DNAJC17: variants seen among roughly 807,000 people sequenced by gnomAD.
DNAJC17 encodes dnaJ homolog subfamily C member 17.
DNAJC17 carries 35 observed loss-of-function variants against 48.1 expected under a neutral mutation model. The observed-to-expected ratio is 0.73, with a 90% confidence interval of 0.56 to 0.96. The LOEUF is 0.96. Among genes scored for constraint, DNAJC17 ranks in the 50% least tolerant of loss-of-function variants. The pLI is 0.00. For synonymous variants in DNAJC17, 117 were observed against 142.7 expected, an observed-to-expected ratio of 0.82 and a Z score of 1.28; for missense variants, 355 against 377.1, an observed-to-expected ratio of 0.94 and a Z score of 0.48.
chr15:40,771,400 C>G (rs1889137348), intron 10 of DNAJC17: 1 of 281,642 alleles, frequency 3.6e-6, no homozygotes, highest in Admixed American at 5.0e-5. Flanking sequence ...GGGGTCAGAT[C>G]AGGGAGTGGG....
At chr15:40,774,135 T>A (rs1889247412) in intron 9 of DNAJC17, 1 of 612,958 alleles carries the variant, frequency 1.6e-6, no homozygotes, top group Non-Finnish European at 2.9e-6. Flanking sequence ...CAGAGTCAAG[T>A]CTGTGCTCTC....
At chr15:40,786,794 T>C (rs555269475) in intron 1 of DNAJC17, among the ~76,000 whole-genome samples, 240 of 152,316 alleles carry the variant, frequency 1.6e-3, no homozygotes, top group South Asian at 5.6e-3. Flanking sequence ...CTCAGATAAA[T>C]GTAAGCTCCG....
Position 40,779,956 on chromosome 15 carries a change from T to A in DNAJC17, c.120A>T (p.Pro40=), listed in dbSNP as rs1360556449. The A allele has an allele frequency of 4.3e-6, 7 of 1,614,082 alleles. No individual in the cohort carries two copies. In the Admixed American group the frequency reaches 5.0e-5, roughly 12 times the overall value. The change falls in exon 2 of 11, where the codon CCA becomes CCT. Residue 40 remains proline, a synonymous_variant. Coordinates refer to ENST00000220496, the MANE Select transcript of DNAJC17 (RefSeq NM_018163.3). ...AYRQKALSCH[P]DKNPDNPRAA... ...CTCTGGGATTATCTGGATTTTTGTC[T>A]GGGTGGCAGGAGAGGGCCTTCTGCC...
chr15:40,791,214 A>G (rs1889792341), intron 1 of DNAJC17, among the ~76,000 whole-genome samples: 1 of 152,054 alleles, frequency 6.6e-6, no homozygotes, highest in African/African-American at 2.4e-5. Flanking sequence ...ATAATGTGGT[A>G]ATATATTGAG....
chr15:40,798,119 A>G (rs1889984748), intron 1 of DNAJC17, among the ~76,000 whole-genome samples: 1 of 152,226 alleles, frequency 6.6e-6, no homozygotes, highest in South Asian at 2.1e-4. Flanking sequence ...TGGATAAACA[A>G]AATGTGGTAT....
chr15:40,797,058 C>T (rs1416353728), intron 1 of DNAJC17, among the ~76,000 whole-genome samples: 2 of 151,954 alleles, frequency 1.3e-5, no homozygotes, highest in Non-Finnish European at 2.9e-5. Context: ...TTATCCACCA[C>T]ACTAGAACAA....
At chr15:40,798,289 T>C (rs1169451247) in intron 1 of DNAJC17, among the ~76,000 whole-genome samples, 1 of 152,100 alleles carries the variant, frequency 6.6e-6, no homozygotes, top group Admixed American at 6.5e-5. Flanking sequence ...GTTCATAGAA[T>C]AGTCAAATTC....
At chr15:40,768,159 G>A in intron 10 of DNAJC17, 97 bp from the exon 11 acceptor site, 1 of 1,393,264 alleles carries the variant, frequency 7.2e-7, no homozygotes. Flanking sequence ...CGTTCTAAGA[G>A]TCTCGGAGGG....
chr15:40,780,231 C>A (rs1189759015), intron 1 of DNAJC17: 2 of 649,294 alleles, frequency 3.1e-6, no homozygotes, highest in Non-Finnish European at 5.7e-6. Context: ...CTCAACCTCA[C>A]CACTGCAGAT....
chr15:40,789,561 A>T (rs1889737212), intron 1 of DNAJC17, among the ~76,000 whole-genome samples: 3 of 151,796 alleles, frequency 2.0e-5, no homozygotes, highest in Admixed American at 2.0e-4. Context: ...GTAGATTCTC[A>T]TGCCCAGATC....
chr15:40,779,571 C>T lies in DNAJC17; in HGVS notation c.181G>A (p.Glu61Lys). 1 of 1,614,044 alleles carries T rather than the reference C, an allele frequency of 6.2e-7. No individual in the cohort carries two copies. The highest frequency in any genetic ancestry group is 8.5e-7 in the Non-Finnish European group (1 of 1,180,036). The change falls in exon 3 of 11, where the codon GAG becomes AAG. Residue 61 changes from glutamate to lysine, a missense_variant. Glu to Lys is a moderately conservative substitution (Grantham distance 56). Around this residue, in one of 3 missense-constraint regions of DNAJC17, gnomAD observed 199 missense variants for 199.9 expected, o/e 1.00. Transcript: ENST00000220496. ...CTGGCTGCAGCATCGGTCAGCACCT[C>T]CAAGGCCTGAGAAAGCTGGTGGAAG... is the stretch of plus-strand genomic sequence containing the variant. ...ELFHQLSQAL[E>K]VLTDAAARAA... is the part of the protein sequence containing the mutation.
chr15:40,788,695 C>CA (rs34840348), intron 1 of DNAJC17, among the ~76,000 whole-genome samples: 32 of 116,792 alleles, frequency 2.7e-4, no homozygotes, highest in Non-Finnish European at 3.4e-4. Context: ...GACTCTGTCT[C>CA]AAAAAAAAAA....
intron 1 of DNAJC17, among the ~76,000 whole-genome samples, chr15:40,787,750 G>C (rs1272313385): frequency 6.6e-6 from 1 of 152,142 alleles, no homozygotes. Context: ...CAAGCACACA[G>C]CAGGGCCTCT....
In DNAJC17 at chr15:40,779,247, C is replaced by G. The variant is rs759892850; in HGVS notation, c.271G>C (p.Glu91Gln). Residue 91 changes from glutamate to glutamine, a missense_variant, in exon 4 of 11, where the codon GAG (glutamate) becomes CAG (glutamine). This residue lies in a region of DNAJC17 where 199 missense variants were observed against 199.9 expected (regional missense o/e 1.00). Transcript: ENST00000220496. Reference sequence around the variant, plus strand: ...CCAAGCTTCACTTTCTTCCTTTTCTCATCAAGTTTCTGGGTCCTCTCTGCT... The same window carrying G: ...CCAAGCTTCACTTTCTTCCTTTTCTGATCAAGTTTCTGGGTCCTCTCTGCT... ...QAAERTQKLD[E>Q]KRKKVKLDLE... 6.2e-7 allele frequency: 1 copy of G among 1,614,114 alleles called. No individual in the cohort carries two copies. Among genetic ancestry groups the G allele is most frequent in the South Asian group, 1.1e-5 (1 of 91,070 alleles).
At chr15:40,775,477 C>G in intron 7 of DNAJC17, 76 bp downstream of exon 7, 1 of 1,527,540 alleles carries the variant, frequency 6.5e-7, no homozygotes, top group Non-Finnish European at 9.0e-7. Context: ...AACCCTCGAG[C>G]CACAGGAAGC....
intron 1 of DNAJC17, among the ~76,000 whole-genome samples, chr15:40,803,269 T>C (rs1335469028): frequency 2.6e-5 from 4 of 152,236 alleles, no homozygotes; most frequent in Non-Finnish European, 5.9e-5. Flanking sequence ...TTAGGAGTTC[T>C]TCCTTGTATA....
At chr15:40,797,292 C>T (rs1889961436) in intron 1 of DNAJC17, among the ~76,000 whole-genome samples, 1 of 152,138 alleles carries the variant, frequency 6.6e-6, no homozygotes, top group East Asian at 1.9e-4. Context: ...ACTGCTTGGG[C>T]CCAGGAGGTT....
chr15:40,780,528 T>C (rs1444815421), intron 1 of DNAJC17: 6 of 365,244 alleles, frequency 1.6e-5, no homozygotes, highest in Non-Finnish European at 3.2e-5. Flanking sequence ...TAAAAGATTA[T>C]GATTGGCCGG....
At chr15:40,778,058 G>A (rs184471118) in intron 4 of DNAJC17, among the ~76,000 whole-genome samples, 17 of 151,804 alleles carry the variant, frequency 1.1e-4, no homozygotes, top group Admixed American at 1.1e-3. Flanking sequence ...CGGGCACAGC[G>A]GCTCGCACCT....
Sources: gnomAD v4.1 joint callset for allele counts (sites outside exome capture counted in the v4.1 genomes callset) on GRCh38, gnomAD v4.1.1 for gene constraint, gnomAD v4.1.1 regional missense constraint, MANE v1.5 for transcripts, NCBI Gene and HGNC (gene_info 2026-07-23, HGNC 2026-07-21) for gene names.